CATSPERE: variants seen among roughly 807,000 people sequenced by gnomAD.
CATSPERE encodes the protein cation channel sperm-associated auxiliary subunit epsilon.
Under a neutral mutation model 114.1 loss-of-function variants are expected in CATSPERE, and 93 were observed. That is an observed-to-expected ratio of 0.81 (90% confidence interval 0.69 to 0.97). CATSPERE has a LOEUF of 0.97. CATSPERE is among the 50% of genes least tolerant of loss of function. CATSPERE has a pLI of 0.00. For synonymous variants in CATSPERE, 341 were observed against 384.1 expected (o/e 0.89, Z 1.31); for missense variants, 1,058 against 1,131.6 (o/e 0.93, Z 0.93).
At chr1:244,564,545 CTCTG>C (rs1224046673) in intron 10 of CATSPERE, among the ~76,000 whole-genome samples, 13 of 151,768 alleles carry the variant, frequency 8.6e-5, no homozygotes, top group Non-Finnish European at 1.8e-4. Context: ...TGATTTGGCT[CTCTG>C]TCTGTTATTG....
chr1:244,520,003 C>A (rs1677255651), intron 8 of CATSPERE, among the ~76,000 whole-genome samples: 1 of 150,136 alleles, frequency 6.7e-6, no homozygotes, highest in East Asian at 1.9e-4. Context: ...GCCACCATGA[C>A]TAGCCCTAAG....
At chr1:244,455,581 T>C (rs1298322205) in intron 1 of CATSPERE, among the ~76,000 whole-genome samples, 8 of 146,128 alleles carry the variant, frequency 5.5e-5, no homozygotes, top group African/African-American at 2.0e-4. Context: ...GTAGGTATAT[T>C]TAAAAGGCCT....
At chr1:244,559,572 AG>A (rs369973887) in intron 9 of CATSPERE, among the ~76,000 whole-genome samples, 45 of 152,344 alleles carry the variant, frequency 3.0e-4, no homozygotes, top group East Asian at 2.5e-3. Flanking sequence ...ACCAAGTTTC[AG>A]GCACAGCAGT....
intron 2 of CATSPERE, among the ~76,000 whole-genome samples, chr1:244,475,376 G>A (rs1669151750): frequency 1.3e-5 from 2 of 151,576 alleles, no homozygotes. Flanking sequence ...TGAGATTACA[G>A]GTATGTGCCA....
At chr1:244,470,256 G>T (rs1258379035) in intron 2 of CATSPERE, among the ~76,000 whole-genome samples, 1 of 152,176 alleles carries the variant, frequency 6.6e-6, no homozygotes, top group Non-Finnish European at 1.5e-5. Context: ...TTCACAGGAT[G>T]GGAGAGAAAT....
At chr1:244,476,315 T>C (rs924310269) in intron 2 of CATSPERE, among the ~76,000 whole-genome samples, 3 of 152,110 alleles carry the variant, frequency 2.0e-5, no homozygotes, top group Non-Finnish European at 2.9e-5. Flanking sequence ...GGAATGTATA[T>C]AGTTTTAACA....
chr1:244,545,250 G>A (rs570902535), intron 8 of CATSPERE, among the ~76,000 whole-genome samples: 2 of 152,168 alleles, frequency 1.3e-5, no homozygotes, highest in Non-Finnish European at 2.9e-5. Context: ...CTAAGGTGAG[G>A]TTAATTTGTT....
At chr1:244,501,669 A>G (rs1010160117) in intron 7 of CATSPERE, among the ~76,000 whole-genome samples, 11 of 152,356 alleles carry the variant, frequency 7.2e-5, no homozygotes, top group Admixed American at 4.6e-4. Context: ...CTTAATTTCT[A>G]ATCATTTTAA....
At chr1:244,612,267 C>T (rs1003322304) in intron 19 of CATSPERE, among the ~76,000 whole-genome samples, 1 of 152,144 alleles carries the variant, frequency 6.6e-6, no homozygotes, top group Non-Finnish European at 1.5e-5. Flanking sequence ...TGTATCTTAA[C>T]TCAACAGGGC....
intron 5 of CATSPERE, among the ~76,000 whole-genome samples, chr1:244,490,204 C>A (rs1352992726): frequency 1.3e-5 from 2 of 151,984 alleles, no homozygotes; most frequent in Non-Finnish European, 2.9e-5. Flanking sequence ...GTTATTGAGG[C>A]AGGAAGCATG....
intron 5 of CATSPERE, among the ~76,000 whole-genome samples, chr1:244,480,734 T>C (rs1325911102): frequency 1.6e-5 from 2 of 127,522 alleles, no homozygotes; most frequent in South Asian, 2.5e-4. Context: ...CTGAGCTAGA[T>C]TGTAAGTCCT....
intron 2 of CATSPERE, among the ~76,000 whole-genome samples, chr1:244,473,144 T>TA (rs1668752998): frequency 6.6e-6 from 1 of 151,874 alleles, no homozygotes; most frequent in African/African-American, 2.4e-5. Context: ...AATTGCTAGA[T>TA]ATATGGTAGG....
rs1193955942 is a variant in CATSPERE, at chr1:244,633,374, C to T, written c.2649-2115C>T. On this transcript the variant is annotated intron_variant, in intron 20 of 21. Coordinates refer to ENST00000366534, the MANE Select transcript of CATSPERE (RefSeq NM_001130957.2). This position sits in a 1 kb window ranked among gnomAD's most constrained non-coding sequence, Gnocchi z 4.1. ...TTCATTCTATCAAAGGTCAACTTGG[C>T]CCTCTTTTCAGTCACAATTGCCTCT... is the stretch of plus-strand genomic sequence containing the variant. Among the ~76,000 whole-genome samples the T allele has an allele frequency of 7.2e-5, 11 of 152,282 alleles. No homozygotes were observed. The East Asian group carries it at 1.5e-3, about 21-fold the overall frequency.
chr1:244,471,796 T>A (rs915040450), intron 2 of CATSPERE, among the ~76,000 whole-genome samples: 3 of 152,340 alleles, frequency 2.0e-5, no homozygotes, highest in East Asian at 1.9e-4. Context: ...GCCATTTGGG[T>A]TATTTCCAAC....
chr1:244,518,786 T>C (rs1483479359), intron 8 of CATSPERE, 88 bp downstream of exon 8: 1 of 659,412 alleles, frequency 1.5e-6, no homozygotes, highest in African/African-American at 1.9e-5. Flanking sequence ...GAAATGTGTC[T>C]TATATGTTAT....
chr1:244,508,831 TAAAAAAAAAA>T (rs960028586), intron 7 of CATSPERE, among the ~76,000 whole-genome samples: 35 of 114,248 alleles, frequency 3.1e-4, no homozygotes, highest in African/African-American at 1.0e-3. Flanking sequence ...ACCCTATCTC[TAAAAAAAAAA>T]AAAAAAAAAA....
intron 14 of CATSPERE, among the ~76,000 whole-genome samples, chr1:244,591,366 C>G (rs1411663550): frequency 6.6e-6 from 1 of 152,176 alleles, no homozygotes; most frequent in Non-Finnish European, 1.5e-5. Flanking sequence ...CTTACTCCTC[C>G]TATCTAATTG....
intron 8 of CATSPERE, among the ~76,000 whole-genome samples, chr1:244,545,185 A>G (rs528739744): frequency 6.6e-6 from 1 of 152,288 alleles, no homozygotes; most frequent in South Asian, 2.1e-4. Context: ...GGGGCCTTCT[A>G]CCTCAGTGAA....
intron 13 of CATSPERE, among the ~76,000 whole-genome samples, chr1:244,587,590 A>C (rs2148631828): frequency 6.6e-6 from 1 of 152,380 alleles, no homozygotes. Flanking sequence ...ACGTATGTGC[A>C]TTTCTTTAAA....
Sources: allele counts gnomAD v4.1 joint callset (sites outside exome capture counted in the v4.1 genomes callset), GRCh38; gene constraint gnomAD v4.1.1; non-coding constraint Gnocchi (gnomAD v3.1); transcripts MANE v1.5; gene names NCBI Gene and HGNC (gene_info 2026-07-23, HGNC 2026-07-21).